TMC7: variants seen among roughly 807,000 people sequenced by gnomAD.
TMC7 encodes transmembrane channel like 7, also known as transmembrane channel-like protein 7.
Under a neutral mutation model 82.9 loss-of-function variants are expected in TMC7, and 54 were observed. The observed-to-expected ratio is 0.65, with a 90% CI of 0.52 to 0.82. TMC7 has a LOEUF of 0.82. Ranked by LOEUF, TMC7 falls within the 40% of genes least tolerant of loss-of-function variation. The pLI, the probability that TMC7 is intolerant of heterozygous loss-of-function variation, is 0.00. For synonymous variants in TMC7, 350 were observed against 337.9 expected (o/e 1.04, Z -0.39); for missense variants, 820 against 901.2 (o/e 0.91, Z 1.15).
chr16:19,045,151 T>C (rs1961210597), intron 10 of TMC7, 150 bp downstream of exon 10: 2 of 852,812 alleles, frequency 2.3e-6, no homozygotes, highest in Non-Finnish European at 3.9e-6. Context: ...CCCCATGGAG[T>C]CTAACCCCAG....
At chr16:19,061,749 A>C (rs1474689276) in intron 15 of TMC7, 29 bp from the exon 16 acceptor site, 1 of 1,594,506 alleles carries the variant, frequency 6.3e-7, no homozygotes, top group Non-Finnish European at 8.6e-7. Flanking sequence ...AAATATATTA[A>C]ATGTACATGT....
Position 19,040,428 on chromosome 16 carries a change from T to A in TMC7, c.1319T>A (p.Ile440Asn). The part of the protein sequence containing the change: ...RYEDYSPGFE[I>N]RLTILRCVFM... The stretch of plus-strand genomic sequence containing the variant: ...GAGGATTATTCTCCAGGCTTTGAGA[T>A]CCGTCTGACAATCCTTAGGTAATGC... Residue 440 changes from isoleucine (I) to asparagine (N), a missense_variant, in exon 9 of 16, where the codon ATC becomes AAC. By Grantham distance (149) the Ile-to-Asn change is moderately radical. Around this residue, in one of 2 missense-constraint regions of TMC7, gnomAD observed 650 missense variants for 669.9 expected, o/e 0.97. Transcript: ENST00000304381. 1 of 1,612,296 alleles carries A rather than the reference T, an allele frequency of 6.2e-7. No homozygotes were observed. Among genetic ancestry groups the A allele is most frequent in the Non-Finnish European group, 8.5e-7 (1 of 1,179,932 alleles).
chr16:19,032,215 G>A (rs927301065), intron 6 of TMC7, among the ~76,000 whole-genome samples: 12 of 152,174 alleles, frequency 7.9e-5, no homozygotes, highest in African/African-American at 2.9e-4. Flanking sequence ...AGACCAGGGT[G>A]CTGTGGATTG....
rs1181353217 is a variant in TMC7 at position 19,063,723 on chromosome 16, G to T, written c.*1880G>T. 1 of 150,964 alleles carries T rather than the reference G, an allele frequency of 6.6e-6. No homozygotes were observed. Among genetic ancestry groups the T allele is most frequent in the Non-Finnish European group, 1.5e-5 (1 of 67,776 alleles). The allele number at this position is 150,964 out of a possible 1,614,324, so 9.4% of individuals were successfully genotyped here. On this transcript the variant is annotated 3_prime_UTR_variant, in exon 16 of 16. Coordinates refer to ENST00000304381, the MANE Select transcript of TMC7 (RefSeq NM_024847.4). ...GATGAACACAACGAAAACGTACTGC[G>T]TTTTTTTTCCTATTATAAAAGTGAT...
In TMC7 at chr16:19,044,967, G is replaced by A; in HGVS notation, c.1421G>A (p.Cys474Tyr). The change falls in exon 10 of 16, where the codon TGT (cysteine) becomes TAT (tyrosine). Residue 474 changes from cysteine to tyrosine, a missense_variant. Coordinates refer to ENST00000304381, the MANE Select transcript of TMC7 (RefSeq NM_024847.4). ...SKITSCDDDT[C>Y]DLCGYNQKLY... ...ATCACATCCTGTGATGATGACACAT[G>A]TGACCTTTGCGGCTACAACCAGAAA... 1.2e-6 allele frequency: 2 copies of A among 1,613,946 alleles called. No individual in the cohort carries two copies. Among genetic ancestry groups the A allele is most frequent in the Non-Finnish European group, 1.7e-6 (2 of 1,180,006 alleles).
At chr16:19,009,923 A>G (rs970785879) in intron 2 of TMC7, among the ~76,000 whole-genome samples, 9 of 145,286 alleles carry the variant, frequency 6.2e-5, no homozygotes, top group Non-Finnish European at 1.1e-4. Context: ...CCTGGGGAAC[A>G]GAGTGAGACT....
At chr16:19,018,412 T>G (rs897732084) in intron 3 of TMC7, among the ~76,000 whole-genome samples, 1 of 152,180 alleles carries the variant, frequency 6.6e-6, no homozygotes, top group Non-Finnish European at 1.5e-5. Context: ...CACGTAACCT[T>G]TGCTTTGAGT....
chr16:19,056,834 G>C (rs1961796914), intron 14 of TMC7, 137 bp downstream of exon 14: 4 of 1,015,174 alleles, frequency 3.9e-6, no homozygotes. Flanking sequence ...CTCTAAAATG[G>C]GCATAATAGG....
At chr16:19,030,878 T>C (rs948432450) in intron 6 of TMC7, among the ~76,000 whole-genome samples, 2 of 151,674 alleles carry the variant, frequency 1.3e-5, no homozygotes, top group East Asian at 1.9e-4. Context: ...TAGCCTGGGG[T>C]TCTCCACTCA....
chr16:18,989,717 G>A lies in TMC7; in HGVS notation c.67+5587G>A, dbSNP rs566216898. Reference sequence around the variant, plus strand: ...CGGTAAAGGGACAAATAGGATTACTGGAGGTAGCCCTAACTACTGGGACAG... The same window carrying A: ...CGGTAAAGGGACAAATAGGATTACTAGAGGTAGCCCTAACTACTGGGACAG... On this transcript the variant is annotated intron_variant, in intron 1 of 15. Transcript: ENST00000304381. Among the ~76,000 whole-genome samples, 15 of 151,692 alleles carry A rather than the reference G, an allele frequency of 9.9e-5. No homozygotes were observed. In the South Asian group the frequency reaches 2.5e-3, roughly 26 times the overall value.
At chr16:19,060,900 C>G (rs1961976567) in intron 15 of TMC7, among the ~76,000 whole-genome samples, 1 of 151,456 alleles carries the variant, frequency 6.6e-6, no homozygotes, top group Non-Finnish European at 1.5e-5. Flanking sequence ...GATTCTCCTT[C>G]CTCAGCCTCC....
intron 2 of TMC7, among the ~76,000 whole-genome samples, chr16:19,010,023 C>T (rs2039310598): frequency 6.9e-6 from 1 of 145,738 alleles, no homozygotes; most frequent in Admixed American, 7.0e-5. Flanking sequence ...CCCTTCCTCC[C>T]TCCCTCCCTC....
intron 3 of TMC7, among the ~76,000 whole-genome samples, chr16:19,019,285 A>C (rs919335661): frequency 6.6e-6 from 1 of 152,230 alleles, no homozygotes; most frequent in African/African-American, 2.4e-5. Flanking sequence ...CTATTTTAAG[A>C]CCTATAAAAT....
At chr16:19,042,241 C>T (rs1440615591) in intron 9 of TMC7, among the ~76,000 whole-genome samples, 7 of 152,016 alleles carry the variant, frequency 4.6e-5, no homozygotes, top group African/African-American at 9.7e-5. Context: ...GTGGCATGAT[C>T]GTAGGTCACT....
At chr16:19,000,037 A>G (rs1316051794) in intron 1 of TMC7, among the ~76,000 whole-genome samples, 1 of 151,730 alleles carries the variant, frequency 6.6e-6, no homozygotes, top group Non-Finnish European at 1.5e-5. Flanking sequence ...TGCTGGGATT[A>G]CAGGCGTGTA....
At chr16:18,992,940 C>G (rs1268886084) in intron 1 of TMC7, among the ~76,000 whole-genome samples, 1 of 152,188 alleles carries the variant, frequency 6.6e-6, no homozygotes, top group Non-Finnish European at 1.5e-5. Flanking sequence ...GGGCTCTGTT[C>G]TGTTCTATTG....
intron 1 of TMC7, among the ~76,000 whole-genome samples, chr16:18,994,894 G>A (rs769903757): frequency 3.0e-4 from 45 of 152,240 alleles, no homozygotes; most frequent in Admixed American, 7.2e-4. Flanking sequence ...CATTGAGCGG[G>A]GTAAGGGTGA....
chr16:18,997,729 C>CCT (rs1567501076), intron 1 of TMC7, among the ~76,000 whole-genome samples: 2 of 119,484 alleles, frequency 1.7e-5, no homozygotes, highest in South Asian at 2.8e-4. Context: ...CAAATCCAGC[C>CCT]TTTTTTTTTT....
At chr16:19,058,047 C>T (rs1487425466) in intron 14 of TMC7, among the ~76,000 whole-genome samples, 1 of 149,406 alleles carries the variant, frequency 6.7e-6, no homozygotes, top group Non-Finnish European at 1.5e-5. Context: ...AGCTGGGACA[C>T]CAGGCACCAG....
Sources: gnomAD v4.1 joint callset for allele counts (sites outside exome capture counted in the v4.1 genomes callset) on GRCh38, gnomAD v4.1.1 for gene constraint, gnomAD v4.1.1 regional missense constraint, MANE v1.5 for transcripts, NCBI Gene and HGNC (gene_info 2026-07-23, HGNC 2026-07-21) for gene names.